Variants in HCRTR2 observed in about 807,000 individuals in gnomAD.
HCRTR2 encodes hypocretin receptor 2, also known as orexin receptor type 2.
Under a neutral mutation model 49.0 loss-of-function variants are expected in HCRTR2, and 22 were observed. The ratio of observed to expected loss-of-function variants is 0.45; its 90% confidence interval spans 0.32 to 0.64. HCRTR2 has a LOEUF of 0.64. Ranked by LOEUF, HCRTR2 falls within the 30% of genes least tolerant of loss-of-function variation. The pLI is 0.04. For synonymous variants in HCRTR2, 236 were observed against 205.3 expected (o/e 1.15, Z -1.28); for missense variants, 491 against 559.4 (o/e 0.88, Z 1.23).
chr6:55,213,800 G>A lies in HCRTR2; in HGVS notation c.224-34839G>A, dbSNP rs550536267. ...AAGTGCTAATTGGGAAGTCCACAAT[G>A]TTGGGGGCTGCAGAAAACAAGGGCA... On this transcript the variant is annotated intron_variant, in intron 1 of 6. Transcript: ENST00000370862. Among the ~76,000 whole-genome samples, 10 of 152,294 alleles carry A rather than the reference G, an allele frequency of 6.6e-5. 3 individuals are homozygous for A. Among genetic ancestry groups the A allele is most frequent in the African/African-American group, 2.2e-4 (9 of 41,570 alleles).
chr6:55,217,223 G>A (rs536641979), intron 1 of HCRTR2, among the ~76,000 whole-genome samples: 4 of 152,180 alleles, frequency 2.6e-5, no homozygotes, highest in African/African-American at 9.6e-5. Context: ...TTAAAAATAT[G>A]CAAAATACTT....
chr6:55,128,729 A>T (rs1453266925), intron 1 of HCRTR2, among the ~76,000 whole-genome samples: 1 of 152,150 alleles, frequency 6.6e-6, no homozygotes, highest in East Asian at 1.9e-4. Context: ...GTTTAGTTTT[A>T]AAAAAGATAT....
chr6:55,112,670 T>C (rs539563884), intron 1 of HCRTR2, among the ~76,000 whole-genome samples: 2 of 151,804 alleles, frequency 1.3e-5, no homozygotes, highest in South Asian at 4.1e-4. Context: ...AAACATCCCA[T>C]GTTCATGGAT....
In HCRTR2 at chr6:55,282,249, C is replaced by T; in HGVS notation, c.1130C>T (p.Ala377Val). The change falls in exon 7 of 7, where the codon GCT (alanine) becomes GTT (valine). Residue 377 changes from alanine (A) to valine (V), a missense_variant. Ala to Val is a moderately conservative substitution (Grantham distance 64). Coordinates refer to ENST00000370862, the MANE Select transcript of HCRTR2 (RefSeq NM_001384272.1). Reference protein sequence around the residue: ...LSGKFREEFKAAFSCCCLGVH... With the variant: ...LSGKFREEFKVAFSCCCLGVH... ...GGAAAATTTCGAGAGGAATTTAAAG[C>T]TGCGTTTTCTTGCTGTTGCCTTGGA... 1 of 1,613,636 alleles carries T rather than the reference C, an allele frequency of 6.2e-7. No individual in the cohort carries two copies. The highest frequency in any genetic ancestry group is 8.5e-7 in the Non-Finnish European group (1 of 1,179,782).
intron 1 of HCRTR2, among the ~76,000 whole-genome samples, chr6:55,230,056 C>T (rs181201467): frequency 6.6e-6 from 1 of 152,258 alleles, no homozygotes; most frequent in East Asian, 1.9e-4. Context: ...ACCTGGAGCT[C>T]TCTGACTGGT....
chr6:55,195,915 T>C (rs1357520790), intron 1 of HCRTR2, among the ~76,000 whole-genome samples: 1 of 152,126 alleles, frequency 6.6e-6, no homozygotes, highest in Non-Finnish European at 1.5e-5. Context: ...TTGCTTGCAG[T>C]GAGCTGTGAT....
At position 55,217,020 on chromosome 6, in the gene HCRTR2, G is replaced by A. The variant is rs560672723; in HGVS notation, c.224-31619G>A. Among the ~76,000 whole-genome samples, 3 of 152,232 alleles carry A rather than the reference G, an allele frequency of 2.0e-5. No individual in the cohort carries two copies. In the South Asian group the frequency reaches 6.2e-4, roughly 32 times the overall value. On this transcript the variant is annotated intron_variant, in intron 1 of 6. Transcript: ENST00000370862. Reference sequence around the variant, plus strand: ...CCAAGGCTTATGGCTTTTGCTTTCTGGAGCAGTGAGGTAAGCTACACTTGG... The same window carrying A: ...CCAAGGCTTATGGCTTTTGCTTTCTAGAGCAGTGAGGTAAGCTACACTTGG...
intron 1 of HCRTR2, among the ~76,000 whole-genome samples, chr6:55,200,944 G>A (rs1433121729): frequency 6.6e-6 from 1 of 151,920 alleles, no homozygotes; most frequent in Non-Finnish European, 1.5e-5. Flanking sequence ...TGATTTTGTA[G>A]ATCCAAATTC....
At chr6:55,270,779 A>T (rs1265175849) in intron 4 of HCRTR2, among the ~76,000 whole-genome samples, 1 of 152,214 alleles carries the variant, frequency 6.6e-6, no homozygotes, top group Non-Finnish European at 1.5e-5. Flanking sequence ...AATAATCCAA[A>T]ATCCAAAAAA....
intron 1 of HCRTR2, among the ~76,000 whole-genome samples, chr6:55,155,527 T>C (rs1221895401): frequency 6.6e-6 from 1 of 152,018 alleles, no homozygotes; most frequent in Non-Finnish European, 1.5e-5. Flanking sequence ...TGCTGTTGTC[T>C]TTCAGGCAAG....
intron 1 of HCRTR2, among the ~76,000 whole-genome samples, chr6:55,187,648 TACA>T (rs1329463725): frequency 1.4e-5 from 2 of 145,736 alleles, no homozygotes; most frequent in Non-Finnish European, 3.0e-5. Flanking sequence ...TAGTTAATTC[TACA>T]ACAACTAGTG....
intron 6 of HCRTR2, among the ~76,000 whole-genome samples, chr6:55,281,323 C>A (rs1159751588): frequency 6.6e-6 from 1 of 152,058 alleles, no homozygotes; most frequent in South Asian, 2.1e-4. Flanking sequence ...AAAAAAAAAT[C>A]TAGCACAATG....
intron 1 of HCRTR2, among the ~76,000 whole-genome samples, chr6:55,207,992 C>A (rs895593113): frequency 9.9e-5 from 15 of 152,114 alleles, no homozygotes; most frequent in Non-Finnish European, 1.8e-4. Flanking sequence ...GTTTTAGTAT[C>A]TCTTCCTTGG....
chr6:55,133,690 T>C (rs530352613), intron 1 of HCRTR2, among the ~76,000 whole-genome samples: 1 of 150,330 alleles, frequency 6.7e-6, no homozygotes, highest in African/African-American at 2.5e-5. Flanking sequence ...TCTATCTATC[T>C]ATCTATCTAT....
At chr6:55,247,591 A>T (rs551003868) in intron 1 of HCRTR2, among the ~76,000 whole-genome samples, 2 of 152,214 alleles carry the variant, frequency 1.3e-5, no homozygotes, top group South Asian at 4.2e-4. Context: ...AGTGAAGCAA[A>T]CCCATGAATA....
chr6:55,184,390 ACTC>A (rs1561998942), intron 1 of HCRTR2, among the ~76,000 whole-genome samples: 1 of 152,072 alleles, frequency 6.6e-6, no homozygotes, highest in African/African-American at 2.4e-5. Flanking sequence ...GCATCACTGT[ACTC>A]CTAGCTATCT....
intron 1 of HCRTR2, among the ~76,000 whole-genome samples, chr6:55,131,177 G>T (rs920209012): frequency 6.6e-6 from 1 of 151,590 alleles, no homozygotes; most frequent in Admixed American, 6.6e-5. Flanking sequence ...TGTCAAGGAG[G>T]TCACATCTTT....
chr6:55,149,526 T>C (rs1010240356), intron 1 of HCRTR2, among the ~76,000 whole-genome samples: 4 of 152,092 alleles, frequency 2.6e-5, no homozygotes, highest in African/African-American at 9.7e-5. Context: ...ATTGAGGACA[T>C]ATCAAAATAT....
At chr6:55,178,394 T>A (rs1159272848) in intron 1 of HCRTR2, among the ~76,000 whole-genome samples, 1 of 152,158 alleles carries the variant, frequency 6.6e-6, no homozygotes, top group African/African-American at 2.4e-5. Flanking sequence ...TATTGAACTA[T>A]CCAAGTCAAT....
Sources: allele counts gnomAD v4.1 joint callset (sites outside exome capture counted in the v4.1 genomes callset), GRCh38; gene constraint gnomAD v4.1.1; transcripts MANE v1.5; gene names NCBI Gene and HGNC (gene_info 2026-07-23, HGNC 2026-07-21).